Variants in CHLSN observed in about 807,000 individuals in gnomAD.
CHLSN encodes protein cholesin.
the CHLSN span, chr7:1,092,543 G>A: frequency 6.2e-7 from 1 of 1,609,246 alleles, no homozygotes; most frequent in Non-Finnish European, 8.5e-7. Context: ...TTCGTCTGCT[G>A]GCTGCCGGAG....
At chr7:1,120,657 G>T in the CHLSN span, among the ~76,000 whole-genome samples, 1 of 152,210 alleles carries the variant, frequency 6.6e-6, no homozygotes, top group African/African-American at 2.4e-5. Flanking sequence ...TCCTCGGAAC[G>T]AAAGCATAGA....
chr7:1,016,864 ACACAGCAGCG>A, the CHLSN span, among the ~76,000 whole-genome samples: 8 of 88,390 alleles, frequency 9.1e-5, no homozygotes, highest in East Asian at 5.7e-4. Context: ...AGCACACAGC[ACACAGCAGCG>A]CACAGCAGCA....
chr7:997,759 G>GC, the CHLSN span: 1 of 1,610,158 alleles, frequency 6.2e-7, no homozygotes, highest in Non-Finnish European at 8.5e-7. Flanking sequence ...CGGCCCTGCA[G>GC]CCCCTCCAGG....
chr7:1,133,917 C>A, the CHLSN span, among the ~76,000 whole-genome samples: 1 of 152,048 alleles, frequency 6.6e-6, no homozygotes, highest in African/African-American at 2.4e-5. Context: ...AGCAATCCTC[C>A]CAACTCAGCC....
chr7:996,352 G>C, the CHLSN span, among the ~76,000 whole-genome samples: 1 of 152,236 alleles, frequency 6.6e-6, no homozygotes, highest in Admixed American at 6.5e-5. Flanking sequence ...GAGCTCTGTT[G>C]GGGGGCGGGG....
the CHLSN span, chr7:1,086,858 C>T: frequency 6.6e-6 from 1 of 152,352 alleles, no homozygotes; most frequent in Admixed American, 6.5e-5. Context: ...AATCTCACCA[C>T]TTCAAAACAT....
At chr7:1,010,052 C>T in the CHLSN span, 28 of 1,611,904 alleles carry the variant, frequency 1.7e-5, no homozygotes, top group Admixed American at 1.0e-4. Context: ...CTCTTTCTTC[C>T]GTTCCTTTTT....
the CHLSN span, chr7:1,021,531 G>A: frequency 1.0e-6 from 1 of 985,452 alleles, no homozygotes; most frequent in Non-Finnish European, 1.2e-6. Context: ...AGGGAGCACT[G>A]TCCATCCACC....
At chr7:1,119,972 T>C in the CHLSN span, among the ~76,000 whole-genome samples, 16 of 151,224 alleles carry the variant, frequency 1.1e-4, no homozygotes, top group East Asian at 9.7e-4. Context: ...CTATCACACA[T>C]AAAACAAATT....
At chr7:1,057,459 C>A in the CHLSN span, 2 of 691,822 alleles carry the variant, frequency 2.9e-6, no homozygotes, top group African/African-American at 3.4e-5. Flanking sequence ...TGGGACGGGA[C>A]GCGAGCTGAC....
the CHLSN span, among the ~76,000 whole-genome samples, chr7:1,053,306 A>G: frequency 2.2e-3 from 332 of 152,352 alleles, 1 homozygote; most frequent in African/African-American, 7.4e-3. Flanking sequence ...AGGTGTGGCG[A>G]CGGCGGGGGA....
the CHLSN span, among the ~76,000 whole-genome samples, chr7:1,101,448 A>T: frequency 6.2e-3 from 950 of 152,302 alleles, 10 homozygotes; most frequent in African/African-American, 0.022. Context: ...GCTCTGTAGA[A>T]TGTGAGCATC....
At chr7:1,136,317 A>AATAT in the CHLSN span, among the ~76,000 whole-genome samples, 1 of 104,070 alleles carries the variant, frequency 9.6e-6, no homozygotes, top group Non-Finnish European at 1.7e-5. Context: ...AATATATATA[A>AATAT]ACATAAATAT....
At chr7:1,016,676 C>T in the CHLSN span, among the ~76,000 whole-genome samples, 6,059 of 101,210 alleles carry the variant, frequency 0.06, 745 homozygotes, top group African/African-American at 0.11. Context: ...CAGCAGCACA[C>T]GCCAGGGCAC....
chr7:1,058,518 G>T, the CHLSN span: 1 of 777,806 alleles, frequency 1.3e-6, no homozygotes, highest in Admixed American at 1.7e-5. Flanking sequence ...GCTGGCGTAG[G>T]CGGCCCAGCC....
At chr7:1,014,627 G>A in the CHLSN span, among the ~76,000 whole-genome samples, 1 of 152,270 alleles carries the variant, frequency 6.6e-6, no homozygotes, top group African/African-American at 2.4e-5. Flanking sequence ...AACAGGAAAC[G>A]TGGGACAAAC....
the CHLSN span, among the ~76,000 whole-genome samples, chr7:1,085,431 G>A: frequency 6.6e-6 from 1 of 152,152 alleles, no homozygotes; most frequent in Non-Finnish European, 1.5e-5. Flanking sequence ...CTGTGAGGCC[G>A]CGGTGACACC....
chr7:998,334 G>T, the CHLSN span, among the ~76,000 whole-genome samples: 3,057 of 152,180 alleles, frequency 0.02, 91 homozygotes, highest in African/African-American at 0.069. Flanking sequence ...TTTCAACACT[G>T]GGCTCTTTTT....
chr7:1,075,869 G>T, the CHLSN span: 1 of 151,806 alleles, frequency 6.6e-6, no homozygotes, highest in Non-Finnish European at 1.5e-5. Flanking sequence ...CAAAGTTCTG[G>T]GATTACAGGC....
Sources: allele counts gnomAD v4.1 joint callset (sites outside exome capture counted in the v4.1 genomes callset), GRCh38; gene constraint gnomAD v4.1.1; transcripts MANE v1.5; gene names NCBI Gene and HGNC (gene_info 2026-07-23, HGNC 2026-07-21).